The following NAV2 variants were observed in gnomAD, a reference collection of about 807,000 sequenced individuals.
NAV2 encodes the protein helicase, APC down-regulated 1.
Under a neutral mutation model 223.2 loss-of-function variants are expected in NAV2, and 54 were observed. The ratio of observed to expected loss-of-function variants is 0.24; its 90% CI spans 0.19 to 0.30. NAV2 has a LOEUF of 0.30. Among genes scored for constraint, NAV2 ranks in the 10% least tolerant of loss-of-function variants. NAV2 has a pLI of 1.00. For missense variants in NAV2, 2,806 were observed against 3,147.5 expected (o/e 0.89, Z 2.60); for synonymous variants, 1,279 against 1,239.3 (o/e 1.03, Z -0.67).
At chr11:19,768,325 A>G (rs1235088862) in intron 1 of NAV2, among the ~76,000 whole-genome samples, 2 of 152,174 alleles carry the variant, frequency 1.3e-5, no homozygotes, top group Admixed American at 1.3e-4. Flanking sequence ...CCCCCTTCAC[A>G]GCAGCAGAGC....
rs574464352 is a variant in NAV2, at chr11:19,984,520, T to G, written c.2768+273T>G. Among the ~76,000 whole-genome samples the G allele has an allele frequency of 1.1e-3, 174 of 152,290 alleles. 1 individual carries two copies. The highest frequency in any genetic ancestry group is 4.0e-3 in the African/African-American group (166 of 41,548). Reference sequence around the variant, plus strand: ...GGGTGGTTTTGGTTATTGTTTTGCTTGTTGCTACTGTGTCTTTGTCAGTTC... The same window carrying G: ...GGGTGGTTTTGGTTATTGTTTTGCTGGTTGCTACTGTGTCTTTGTCAGTTC... On this transcript the variant is annotated intron_variant, in intron 11 of 37. Coordinates refer to ENST00000349880, the MANE Select transcript of NAV2 (RefSeq NM_145117.5).
chr11:19,533,478 G>A (rs1346939136), intron 1 of NAV2, among the ~76,000 whole-genome samples: 2 of 152,214 alleles, frequency 1.3e-5, no homozygotes, highest in East Asian at 3.9e-4. Context: ...AGCTGACCAT[G>A]TCCACACATG....
chr11:20,054,972 T>G (rs2058275605), intron 18 of NAV2, among the ~76,000 whole-genome samples: 1 of 152,188 alleles, frequency 6.6e-6, no homozygotes, highest in Admixed American at 6.5e-5. Flanking sequence ...AAGGAAAGAT[T>G]AGTGCTGGCT....
At chr11:19,357,911 G>A (rs1188708456) in intron 1 of NAV2, among the ~76,000 whole-genome samples, 1 of 152,100 alleles carries the variant, frequency 6.6e-6, no homozygotes, top group Non-Finnish European at 1.5e-5. Context: ...ATTTTTACTT[G>A]AAATTTTTTA....
chr11:19,661,001 C>T (rs2048262939), intron 1 of NAV2, among the ~76,000 whole-genome samples: 1 of 152,122 alleles, frequency 6.6e-6, no homozygotes, highest in Non-Finnish European at 1.5e-5. Flanking sequence ...GCATGAAGTA[C>T]ATTCACATTG....
intron 1 of NAV2, among the ~76,000 whole-genome samples, chr11:19,600,801 A>G (rs76710399): frequency 0.02 from 3,120 of 152,324 alleles, 111 homozygotes; most frequent in African/African-American, 0.07. Flanking sequence ...AGCTGGTGTT[A>G]TCCTACAGAT....
intron 1 of NAV2, among the ~76,000 whole-genome samples, chr11:19,697,784 G>C (rs1451688338): frequency 6.6e-6 from 1 of 152,222 alleles, no homozygotes; most frequent in African/African-American, 2.4e-5. Context: ...GAAGAGAGCA[G>C]GGAAGGTGCA....
chr11:20,103,761 AAT>A, intron 34 of NAV2, 37 bp downstream of exon 34: 1 of 1,589,598 alleles, frequency 6.3e-7, no homozygotes, highest in Non-Finnish European at 8.6e-7. Flanking sequence ...TAAACAATGG[AAT>A]CACAAAGAAG....
At chr11:19,603,127 G>A (rs1251502387) in intron 1 of NAV2, among the ~76,000 whole-genome samples, 1 of 152,234 alleles carries the variant, frequency 6.6e-6, no homozygotes, top group Non-Finnish European at 1.5e-5. Flanking sequence ...ATGTCACGTA[G>A]TAGCTTTGCC....
At chr11:19,960,629 T>TTTATTTATTTA (rs1565648983) in intron 10 of NAV2, among the ~76,000 whole-genome samples, 6 of 87,864 alleles carry the variant, frequency 6.8e-5, no homozygotes, top group East Asian at 2.8e-4. Flanking sequence ...TTATTTATTT[T>TTTATTTATTTA]TTGAGACAGA....
At chr11:19,356,588 G>A (rs897842305) in intron 1 of NAV2, among the ~76,000 whole-genome samples, 1 of 152,180 alleles carries the variant, frequency 6.6e-6, no homozygotes, top group Non-Finnish European at 1.5e-5. Context: ...GGGAACGTGA[G>A]CTCTGCCTAT....
Position 19,791,961 on chromosome 11 carries a change from A to G in NAV2, c.268-40523A>G, listed in dbSNP as rs554313428. Among the ~76,000 whole-genome samples, 8 of 152,266 alleles carry G rather than the reference A, an allele frequency of 5.3e-5. No individual in the cohort carries two copies. The East Asian group carries it at 1.2e-3, about 22-fold the overall frequency. ...GCCTGGCCCCAGGAGATGCTTTGCA[A>G]TGTTCAGTTTCTTCCACCATCTCTG... is the stretch of plus-strand genomic sequence containing the variant. On this transcript the variant is annotated intron_variant, in intron 1 of 37. Transcript: ENST00000349880.
At chr11:20,005,667 A>G (rs535486662) in intron 11 of NAV2, among the ~76,000 whole-genome samples, 1 of 152,080 alleles carries the variant, frequency 6.6e-6, no homozygotes, top group Non-Finnish European at 1.5e-5. Flanking sequence ...TGTGCACTTC[A>G]TTGTGCCAGG....
At chr11:19,891,540 C>A (rs952785912) in intron 5 of NAV2, among the ~76,000 whole-genome samples, 3 of 152,162 alleles carry the variant, frequency 2.0e-5, no homozygotes, top group African/African-American at 7.2e-5. Flanking sequence ...TTTAGGCCAA[C>A]AAATTCCTGC....
chr11:19,698,161 G>C (rs2049402673), intron 1 of NAV2, among the ~76,000 whole-genome samples: 2 of 152,196 alleles, frequency 1.3e-5, no homozygotes, highest in South Asian at 4.1e-4. Context: ...ACATGAGCCA[G>C]GGTTTGAATT....
At chr11:19,757,507 C>T (rs1356082605) in intron 1 of NAV2, among the ~76,000 whole-genome samples, 1 of 152,154 alleles carries the variant, frequency 6.6e-6, no homozygotes, top group South Asian at 2.1e-4. Context: ...AACTGTGTGA[C>T]CTTAGGCAAG....
chr11:19,416,711 A>G (rs1027711983), intron 1 of NAV2, among the ~76,000 whole-genome samples: 2 of 152,244 alleles, frequency 1.3e-5, no homozygotes, highest in African/African-American at 4.8e-5. Flanking sequence ...ACAAGGCTAC[A>G]ATAACCGAAA....
chr11:20,051,416 G>C, intron 17 of NAV2, 83 bp downstream of exon 17: 1 of 1,348,218 alleles, frequency 7.4e-7, no homozygotes, highest in Non-Finnish European at 1.1e-6. Flanking sequence ...GCTGGTGGGG[G>C]TTTGGGCTGG....
At chr11:19,678,879 A>G (rs1222805714) in intron 1 of NAV2, among the ~76,000 whole-genome samples, 1 of 152,216 alleles carries the variant, frequency 6.6e-6, no homozygotes, top group Non-Finnish European at 1.5e-5. Context: ...TACATTCCCC[A>G]GTGCTAGGTG....
Sources: allele counts gnomAD v4.1 joint callset (sites outside exome capture counted in the v4.1 genomes callset), GRCh38; gene constraint gnomAD v4.1.1; transcripts MANE v1.5; gene names NCBI Gene and HGNC (gene_info 2026-07-23, HGNC 2026-07-21).